Variants in OGDH observed in about 807,000 individuals in gnomAD.
OGDH encodes oxoglutarate dehydrogenase, also known as 2-oxoglutarate dehydrogenase complex component E1.
A neutral mutation model predicts 116.6 loss-of-function variants in OGDH; 38 were observed. The observed-to-expected ratio is 0.33, with a 90% confidence interval of 0.25 to 0.43. OGDH has a LOEUF of 0.43. Among genes scored for constraint, OGDH ranks in the 20% least tolerant of loss-of-function variants. OGDH has a pLI of 1.00. For missense variants in OGDH, 825 were observed against 1,357.2 expected (o/e 0.61, Z 6.16); for synonymous variants, 488 against 533.3 (o/e 0.92, Z 1.17).
chr7:44,694,126 T>C lies in OGDH; in HGVS notation c.1515+122T>C, dbSNP rs2116340353. On this transcript the variant is annotated intron_variant, in intron 11 of 22. Coordinates refer to ENST00000222673, the MANE Select transcript of OGDH (RefSeq NM_002541.4). The surrounding 1 kb of genome is among the most constrained non-coding windows in gnomAD (Gnocchi z 4.2). ...GATGAGTCACCTCAGGGCTCTCTAC[T>C]GCCAGGCCTCATGCTGGTTCCTTTG... is the stretch of plus-strand genomic sequence containing the variant. 1 of 1,098,552 alleles carries C rather than the reference T, an allele frequency of 9.1e-7. No homozygotes were observed. 68.1% of individuals were successfully genotyped at this position (1,098,552 alleles called of 1,614,324 possible).
At chr7:44,650,498 T>C (rs747005346) in intron 4 of OGDH, among the ~76,000 whole-genome samples, 1 of 152,178 alleles carries the variant, frequency 6.6e-6, no homozygotes, top group African/African-American at 2.4e-5. Context: ...AATAAACTCC[T>C]TAAAGTAGTG....
At chr7:44,678,878 G>C (rs1472309865) in intron 9 of OGDH, among the ~76,000 whole-genome samples, 1 of 152,194 alleles carries the variant, frequency 6.6e-6, no homozygotes, top group Admixed American at 6.5e-5. Flanking sequence ...CATACTTTCT[G>C]TAAGTGCAGC....
At chr7:44,627,283 C>T (rs558138515) in intron 2 of OGDH, among the ~76,000 whole-genome samples, 88 of 152,372 alleles carry the variant, frequency 5.8e-4, no homozygotes, top group Admixed American at 2.7e-3. Flanking sequence ...GCGTGAGCCA[C>T]GGCGCCTGGC....
chr7:44,670,733 G>A (rs915022160), intron 5 of OGDH, among the ~76,000 whole-genome samples: 6 of 152,114 alleles, frequency 3.9e-5, no homozygotes, highest in East Asian at 1.9e-4. Flanking sequence ...TTGTGGGGCT[G>A]GGCGTGGTGG....
intron 1 of OGDH, among the ~76,000 whole-genome samples, chr7:44,611,418 G>A (rs1021598919): frequency 6.6e-6 from 1 of 151,764 alleles, no homozygotes; most frequent in African/African-American, 2.4e-5. Context: ...ACAGGTGCCC[G>A]CCACCATGCC....
intron 4 of OGDH, among the ~76,000 whole-genome samples, chr7:44,660,612 A>G (rs966805702): frequency 6.6e-6 from 1 of 152,120 alleles, no homozygotes; most frequent in South Asian, 2.1e-4. Flanking sequence ...TTGAAATGCT[A>G]TTGTTGGGTG....
At chr7:44,612,936 A>G (rs1784622585) in intron 1 of OGDH, among the ~76,000 whole-genome samples, 1 of 149,074 alleles carries the variant, frequency 6.7e-6, no homozygotes, top group Non-Finnish European at 1.5e-5. Context: ...GCTGGAGTGC[A>G]GTGGCGCGAT....
intron 4 of OGDH, among the ~76,000 whole-genome samples, chr7:44,655,031 TTAAAAATA>T (rs1449463832): frequency 3.9e-5 from 6 of 152,344 alleles, no homozygotes; most frequent in African/African-American, 1.2e-4. Context: ...GCCTTTTATT[TTAAAAATA>T]TAAAAAAGTA....
intron 1 of OGDH, among the ~76,000 whole-genome samples, chr7:44,615,835 C>T (rs1192882452): frequency 6.6e-6 from 1 of 152,084 alleles, no homozygotes; most frequent in Non-Finnish European, 1.5e-5. Flanking sequence ...CGAGGCCACC[C>T]TGGCCAACAT....
intron 4 of OGDH, among the ~76,000 whole-genome samples, chr7:44,651,214 A>G (rs572687526): frequency 1.3e-5 from 2 of 152,192 alleles, no homozygotes; most frequent in East Asian, 1.9e-4. Context: ...AATTCTGTCC[A>G]CTCTGAGTTT....
At chr7:44,616,566 G>A (rs545132866) in intron 1 of OGDH, among the ~76,000 whole-genome samples, 184 of 151,056 alleles carry the variant, frequency 1.2e-3, no homozygotes, top group African/African-American at 3.8e-3. Context: ...TTGGAAACTT[G>A]AACTTTTTAT....
In OGDH at chr7:44,647,652, CAT is replaced by C; in HGVS notation, c.415-3_415-2del. On this transcript the variant is annotated splice_polypyrimidine_tract_variant and splice_region_variant and intron_variant, in intron 3 of 22. Coordinates refer to ENST00000222673, the MANE Select transcript of OGDH (RefSeq NM_002541.4). ...TCCTTCCCTCTCATCGTTGGCCACTCATAGATACGAGGGCACCATGTAGCACA... is the reference window on the plus strand; with the variant it reads ...TCCTTCCCTCTCATCGTTGGCCACTCAGATACGAGGGCACCATGTAGCACA... 1 of 1,611,878 alleles carries C rather than the reference CAT, an allele frequency of 6.2e-7. No homozygotes were observed. Among genetic ancestry groups the C allele is most frequent in the Non-Finnish European group, 8.5e-7 (1 of 1,178,198 alleles).
rs778885231 is a variant in OGDH, at chr7:44,694,608, T to C, written c.1668+32T>C. ...CCCTGCGGCTCTATCCCAGTGCGCCTTTCCAGGGCTGGCGATGACTAGAAA... is the reference window on the plus strand; with the variant it reads ...CCCTGCGGCTCTATCCCAGTGCGCCCTTCCAGGGCTGGCGATGACTAGAAA... On this transcript the variant is annotated intron_variant, in intron 12 of 22. Transcript: ENST00000222673. The surrounding 1 kb of genome is among the most constrained non-coding windows in gnomAD (Gnocchi z 4.2). The C allele has an allele frequency of 6.2e-7, 1 of 1,607,120 alleles. No individual in the cohort carries two copies. Among genetic ancestry groups the C allele is most frequent in the Non-Finnish European group, 8.5e-7 (1 of 1,174,184 alleles).
chr7:44,692,838 C>T (rs1483051934), intron 10 of OGDH, among the ~76,000 whole-genome samples: 1 of 150,724 alleles, frequency 6.6e-6, no homozygotes, highest in Non-Finnish European at 1.5e-5. Flanking sequence ...AGTTCAAGAC[C>T]AGCCCGGGCA....
chr7:44,629,786 G>T (rs1247324977), intron 2 of OGDH, among the ~76,000 whole-genome samples: 3 of 151,978 alleles, frequency 2.0e-5, no homozygotes, highest in Non-Finnish European at 2.9e-5. Flanking sequence ...CACCATGTTG[G>T]CCAGGCTGGT....
chr7:44,637,207 A>G (rs983878866), intron 2 of OGDH, among the ~76,000 whole-genome samples: 19 of 152,018 alleles, frequency 1.2e-4, no homozygotes, highest in African/African-American at 3.1e-4. Flanking sequence ...CCTGTTGTCT[A>G]TTCTCTTTGG....
intron 5 of OGDH, among the ~76,000 whole-genome samples, chr7:44,671,936 G>A (rs1388233994): frequency 6.6e-6 from 1 of 151,938 alleles, no homozygotes; most frequent in Non-Finnish European, 1.5e-5. Flanking sequence ...GGGTGTGGTG[G>A]CGGGCGCCTG....
chr7:44,697,110 G>A lies in OGDH; in HGVS notation c.2051+46G>A. The A allele has an allele frequency of 1.9e-6, 3 of 1,591,122 alleles. No individual in the cohort carries two copies. The highest frequency in any genetic ancestry group is 1.3e-5 in the African/African-American group (1 of 74,548). ...GTTTGCCCTCCAAAGAGTAGAAGAT[G>A]GAAAGGGAGGGGTTCTGGTGTTTCT... On this transcript the variant is annotated intron_variant, in intron 15 of 22. Coordinates refer to ENST00000222673, the MANE Select transcript of OGDH (RefSeq NM_002541.4). The surrounding 1 kb of genome is among the most constrained non-coding windows in gnomAD (Gnocchi z 6.0).
chr7:44,693,234 G>C (rs192462508), intron 10 of OGDH, among the ~76,000 whole-genome samples: 293 of 152,222 alleles, frequency 1.9e-3, no homozygotes, highest in African/African-American at 6.8e-3. Flanking sequence ...CTTGAACCCG[G>C]GAGGTGGAAG....
Sources: allele counts gnomAD v4.1 joint callset (sites outside exome capture counted in the v4.1 genomes callset), GRCh38; gene constraint gnomAD v4.1.1; non-coding constraint Gnocchi (gnomAD v3.1); transcripts MANE v1.5; gene names NCBI Gene and HGNC (gene_info 2026-07-23, HGNC 2026-07-21).